MET: variants seen among roughly 807,000 people sequenced by gnomAD.
MET encodes MET proto-oncogene, receptor tyrosine kinase.
A neutral mutation model predicts 133.1 loss-of-function variants in MET; 48 were observed. That is an observed-to-expected ratio of 0.36 (90% confidence interval 0.29 to 0.46). MET has a LOEUF of 0.46. Among genes scored for constraint, MET ranks in the 20% least tolerant of loss-of-function variants. The pLI is 1.00. For missense variants in MET, 1,442 were observed against 1,695.9 expected (o/e 0.85, Z 2.63); for synonymous variants, 628 against 616.5 (o/e 1.02, Z -0.28).
chr7:116,739,818 G>T, intron 3 of MET, 132 bp from the exon 4 acceptor site: 1 of 1,238,860 alleles, frequency 8.1e-7, no homozygotes, highest in African/African-American at 1.5e-5. Flanking sequence ...ACAATGAGGG[G>T]AACTGTTGGG....
intron 2 of MET, among the ~76,000 whole-genome samples, chr7:116,716,228 G>C (rs1204386242): frequency 6.7e-6 from 1 of 149,566 alleles, no homozygotes; most frequent in Non-Finnish European, 1.5e-5. Flanking sequence ...ACTGCCGCCT[G>C]GGTGACAGAG....
At chr7:116,672,948 G>T (rs1487640889) in intron 1 of MET, among the ~76,000 whole-genome samples, 2 of 152,074 alleles carry the variant, frequency 1.3e-5, no homozygotes, top group African/African-American at 4.8e-5. Flanking sequence ...GGTTTGAGCC[G>T]AGCTGTTTCC....
chr7:116,675,910 C>G (rs965935592), intron 1 of MET, among the ~76,000 whole-genome samples: 4 of 151,972 alleles, frequency 2.6e-5, no homozygotes, highest in African/African-American at 9.7e-5. Context: ...ATCAGAAAGC[C>G]CATTCTCAGA....
chr7:116,735,485 GT>G (rs1336904826), intron 3 of MET, among the ~76,000 whole-genome samples: 1 of 152,144 alleles, frequency 6.6e-6, no homozygotes, highest in Non-Finnish European at 1.5e-5. Flanking sequence ...AATTCCTTCA[GT>G]TCCCGTGCCC....
intron 18 of MET, 81 bp from the exon 19 acceptor site, chr7:116,783,223 C>A (rs2117064271): frequency 6.5e-7 from 1 of 1,537,972 alleles, no homozygotes; most frequent in South Asian, 1.1e-5. Flanking sequence ...ACTGAAGCCA[C>A]TTGTTTAATC....
chr7:116,774,878 C>T lies in MET; in HGVS notation c.3029-3C>T, dbSNP rs2117029357. On this transcript the variant is annotated splice_region_variant and splice_polypyrimidine_tract_variant and intron_variant, in intron 14 of 20. Coordinates refer to ENST00000397752, the MANE Select transcript of MET (RefSeq NM_000245.4). Reference sequence around the variant, plus strand: ...TCTTTAATAATTTTCCTTCATCTTACAGATCAGTTTCCTAATTCATCTCAG... The same window carrying T: ...TCTTTAATAATTTTCCTTCATCTTATAGATCAGTTTCCTAATTCATCTCAG... 6.2e-7 allele frequency: 1 copy of T among 1,612,358 alleles called. No individual in the cohort carries two copies.
intron 1 of MET, 105 bp from the exon 2 acceptor site, chr7:116,698,966 C>G: frequency 6.6e-7 from 1 of 1,511,904 alleles, no homozygotes; most frequent in Non-Finnish European, 9.0e-7. Flanking sequence ...ATGTAAAAGT[C>G]CAGTTGGGAA....
chr7:116,727,596 C>T (rs777380968), intron 2 of MET, among the ~76,000 whole-genome samples: 4 of 152,178 alleles, frequency 2.6e-5, no homozygotes, highest in Non-Finnish European at 5.9e-5. Flanking sequence ...TTCCCCAAAG[C>T]AGCTACTGTC....
chr7:116,697,191 A>T (rs891196809), intron 1 of MET, among the ~76,000 whole-genome samples: 17 of 152,310 alleles, frequency 1.1e-4, no homozygotes, highest in African/African-American at 3.8e-4. Context: ...ATAACTGCTA[A>T]TCATCTTTGT....
chr7:116,718,862 T>G (rs1309304637), intron 2 of MET, among the ~76,000 whole-genome samples: 83 of 144,192 alleles, frequency 5.8e-4, no homozygotes, highest in African/African-American at 2.0e-3. Context: ...ATGGTGTATA[T>G]GTGCCACATT....
intron 11 of MET, among the ~76,000 whole-genome samples, chr7:116,767,613 T>C (rs140652385): frequency 3.9e-5 from 6 of 152,240 alleles, no homozygotes; most frequent in Non-Finnish European, 8.8e-5. Flanking sequence ...ACTAAATTGC[T>C]CTATGTCTGT....
intron 1 of MET, among the ~76,000 whole-genome samples, chr7:116,683,543 C>T (rs934263232): frequency 6.6e-6 from 1 of 152,218 alleles, no homozygotes; most frequent in African/African-American, 2.4e-5. Flanking sequence ...GTAGTCACTC[C>T]TGTTTTCATT....
At chr7:116,706,558 T>A (rs1791804037) in intron 2 of MET, among the ~76,000 whole-genome samples, 2 of 152,164 alleles carry the variant, frequency 1.3e-5, no homozygotes, top group Admixed American at 1.3e-4. Context: ...CGAATACTGT[T>A]TCACATTTTG....
intron 11 of MET, among the ~76,000 whole-genome samples, chr7:116,764,542 G>C (rs1461891295): frequency 1.3e-5 from 2 of 151,848 alleles, no homozygotes; most frequent in Non-Finnish European, 2.9e-5. Flanking sequence ...TTCTGTTCCT[G>C]TATCTATGAT....
chr7:116,767,407 T>G (rs1173328514), intron 11 of MET, among the ~76,000 whole-genome samples: 1 of 152,190 alleles, frequency 6.6e-6, no homozygotes, highest in Admixed American at 6.5e-5. Context: ...AAATCCTTAC[T>G]CATCTTTATA....
At chr7:116,746,955 T>C (rs1259833437) in intron 5 of MET, among the ~76,000 whole-genome samples, 2 of 152,094 alleles carry the variant, frequency 1.3e-5, no homozygotes, top group African/African-American at 4.8e-5. Flanking sequence ...AAAGAAACCC[T>C]ACAAGCCAGA....
chr7:116,746,116 A>G (rs1183266937), intron 5 of MET, among the ~76,000 whole-genome samples: 1 of 152,248 alleles, frequency 6.6e-6, no homozygotes, highest in African/African-American at 2.4e-5. Flanking sequence ...ACAAGTAGGC[A>G]AAGGATATGA....
chr7:116,779,244 CTG>C (rs1383476358), intron 17 of MET, among the ~76,000 whole-genome samples: 1 of 152,226 alleles, frequency 6.6e-6, no homozygotes, highest in Non-Finnish European at 1.5e-5. Context: ...GTGCCAGAAA[CTG>C]TGCACAGCAC....
At chr7:116,738,121 T>C (rs1793294721) in intron 3 of MET, among the ~76,000 whole-genome samples, 1 of 152,234 alleles carries the variant, frequency 6.6e-6, no homozygotes, top group African/African-American at 2.4e-5. Context: ...AGACTGGTGT[T>C]CTGTGTTGCT....
Sources: gnomAD v4.1 joint callset for allele counts (sites outside exome capture counted in the v4.1 genomes callset) on GRCh38, gnomAD v4.1.1 for gene constraint, MANE v1.5 for transcripts, NCBI Gene and HGNC (gene_info 2026-07-23, HGNC 2026-07-21) for gene names.